The following PTPRD variants were observed in gnomAD, a reference collection of about 807,000 sequenced individuals.
The protein encoded by PTPRD is protein tyrosine phosphatase receptor type D, also known as receptor-type tyrosine-protein phosphatase delta.
Under a neutral mutation model 214.5 loss-of-function variants are expected in PTPRD, and 34 were observed. The observed-to-expected ratio is 0.16, with a 90% CI of 0.12 to 0.21. PTPRD has a LOEUF of 0.21. Among genes scored for constraint, PTPRD ranks in the 10% least tolerant of loss-of-function variants. The probability of loss-of-function intolerance (pLI) is 1.00; values close to 1 mark genes in which losing one functional copy is unlikely to be tolerated. For missense variants in PTPRD, 2,545 were observed against 2,398.7 expected, an observed-to-expected ratio of 1.06 and a Z score of -1.27; for synonymous variants, 1,128 against 845.7, an observed-to-expected ratio of 1.33 and a Z score of -5.79.
intron 4 of PTPRD, among the ~76,000 whole-genome samples, chr9:10,027,620 G>T (rs570595823): frequency 6.6e-6 from 1 of 152,256 alleles, no homozygotes; most frequent in African/African-American, 2.4e-5. Flanking sequence ...GGCACATAAG[G>T]TTATTCTCCT....
At chr9:8,778,877 A>C (rs1259961164) in intron 11 of PTPRD, among the ~76,000 whole-genome samples, 4 of 152,190 alleles carry the variant, frequency 2.6e-5, no homozygotes, top group Non-Finnish European at 5.9e-5. Context: ...CATGTAAAGA[A>C]TTTACCACAC....
At chr9:9,015,321 G>T (rs1478315590) in intron 11 of PTPRD, among the ~76,000 whole-genome samples, 3 of 152,194 alleles carry the variant, frequency 2.0e-5, no homozygotes, top group East Asian at 3.9e-4. Context: ...AAAATAGGTT[G>T]CAGTAAAGGA....
At chr9:9,160,514 T>A (rs1344354879) in intron 10 of PTPRD, among the ~76,000 whole-genome samples, 1 of 152,116 alleles carries the variant, frequency 6.6e-6, no homozygotes, top group Non-Finnish European at 1.5e-5. Context: ...ATGGCTTCTA[T>A]GAAAAAGATG....
intron 2 of PTPRD, among the ~76,000 whole-genome samples, chr9:10,599,240 C>A (rs1035686891): frequency 6.6e-6 from 1 of 151,678 alleles, no homozygotes; most frequent in Non-Finnish European, 1.5e-5. Flanking sequence ...ACCATGTCAT[C>A]CCATCAGCCT....
At chr9:10,257,191 G>C (rs993331407) in intron 3 of PTPRD, among the ~76,000 whole-genome samples, 2 of 152,192 alleles carry the variant, frequency 1.3e-5, no homozygotes, top group Admixed American at 6.6e-5. Context: ...ACTGGTTTTA[G>C]ACACGTTTTT....
At chr9:10,009,641 G>C (rs1431094135) in intron 4 of PTPRD, among the ~76,000 whole-genome samples, 1 of 151,874 alleles carries the variant, frequency 6.6e-6, no homozygotes, top group Non-Finnish European at 1.5e-5. Context: ...ATCTTTAAAA[G>C]GTGCTAGACT....
intron 3 of PTPRD, among the ~76,000 whole-genome samples, chr9:10,317,492 G>A (rs1176274663): frequency 6.6e-6 from 1 of 151,890 alleles, no homozygotes; most frequent in Non-Finnish European, 1.5e-5. Flanking sequence ...GGAAACTAGA[G>A]TCAGAAGAAG....
chr9:9,086,357 T>A (rs1327663923), intron 10 of PTPRD, among the ~76,000 whole-genome samples: 2 of 152,168 alleles, frequency 1.3e-5, no homozygotes, highest in East Asian at 3.9e-4. Flanking sequence ...GGCAGCCTAT[T>A]GTGTCATGCC....
In PTPRD at chr9:10,181,460, C is replaced by T. The variant is rs528999018; in HGVS notation, c.-544-147670G>A. 5.3e-5 allele frequency among the ~76,000 whole-genome samples: 8 copies of T among 152,102 alleles called. No homozygotes were observed. The South Asian group carries it at 1.7e-3, about 32-fold the overall frequency. ...TTCTAAATTCATTTATCTCTTAGTG[C>T]AATTCACTTCTAAACCTGTTTTAAG... On this transcript the variant is annotated intron_variant, in intron 3 of 45. Coordinates refer to ENST00000381196, the MANE Select transcript of PTPRD (RefSeq NM_002839.4).
At chr9:10,272,254 G>C (rs1448009438) in intron 3 of PTPRD, among the ~76,000 whole-genome samples, 1 of 152,124 alleles carries the variant, frequency 6.6e-6, no homozygotes, top group Non-Finnish European at 1.5e-5. Flanking sequence ...ATGTTTTCAA[G>C]ATACATTCAT....
intron 4 of PTPRD, among the ~76,000 whole-genome samples, chr9:9,951,551 C>T (rs1375823368): frequency 1.3e-5 from 2 of 152,198 alleles, no homozygotes; most frequent in African/African-American, 2.4e-5. Context: ...TTAAAAACAG[C>T]ACCCCCCAAT....
chr9:9,243,958 C>A (rs1039248344), intron 9 of PTPRD, among the ~76,000 whole-genome samples: 3 of 152,140 alleles, frequency 2.0e-5, no homozygotes, highest in African/African-American at 4.8e-5. Flanking sequence ...GATATAAAAT[C>A]AATGTGCAAA....
rs1276706519 is a variant in PTPRD at position 8,804,768 on chromosome 9, G to C, written c.-103-70822C>G. Among the ~76,000 whole-genome samples, 8 of 152,266 alleles carry C rather than the reference G, an allele frequency of 5.3e-5. No homozygotes were observed. The East Asian group carries it at 1.5e-3, about 29-fold the overall frequency. On this transcript the variant is annotated intron_variant, in intron 11 of 45. Transcript: ENST00000381196. ...AGTGGCCACCTTTTAGTGTGCTGAA[G>C]AAATAAGAGTAACTGCGACATGATC...
chr9:9,367,489 A>G (rs577534017), intron 9 of PTPRD, among the ~76,000 whole-genome samples: 55 of 151,832 alleles, frequency 3.6e-4, no homozygotes, highest in African/African-American at 1.2e-3. Flanking sequence ...AAAGTTACAA[A>G]TGAAATACAT....
intron 9 of PTPRD, among the ~76,000 whole-genome samples, chr9:9,365,907 T>C (rs888030755): frequency 6.6e-6 from 1 of 151,586 alleles, no homozygotes; most frequent in African/African-American, 2.4e-5. Context: ...TTCATTAGAA[T>C]TGTGGTAACT....
chr9:9,406,635 C>G (rs1389259535), intron 8 of PTPRD, among the ~76,000 whole-genome samples: 1 of 151,520 alleles, frequency 6.6e-6, no homozygotes, highest in African/African-American at 2.4e-5. Context: ...AATACCATTC[C>G]CAAAAGCAAG....
intron 3 of PTPRD, among the ~76,000 whole-genome samples, chr9:10,272,323 A>G (rs146789473): frequency 9.4e-4 from 143 of 152,316 alleles, no homozygotes; most frequent in Middle Eastern, 3.4e-3. Flanking sequence ...TTTTATAGAC[A>G]AAATATTTTA....
At chr9:10,305,155 A>C (rs1301564037) in intron 3 of PTPRD, among the ~76,000 whole-genome samples, 2 of 152,162 alleles carry the variant, frequency 1.3e-5, no homozygotes, top group Non-Finnish European at 2.9e-5. Context: ...GCAATGGGGA[A>C]AGGATTCCCT....
intron 3 of PTPRD, among the ~76,000 whole-genome samples, chr9:10,106,013 C>CAAAAAA (rs35421883): frequency 7.1e-5 from 4 of 56,662 alleles, no homozygotes; most frequent in Non-Finnish European, 1.0e-4. Context: ...ATCACATATT[C>CAAAAAA]AAAAAAAAAA....
Sources: allele counts gnomAD v4.1 joint callset (sites outside exome capture counted in the v4.1 genomes callset), GRCh38; gene constraint gnomAD v4.1.1; transcripts MANE v1.5; gene names NCBI Gene and HGNC (gene_info 2026-07-23, HGNC 2026-07-21).